Variants in PCNX2 observed in about 807,000 individuals in gnomAD.
The protein encoded by PCNX2 is pecanex 2, also known as pecanex-like protein 2.
Under a neutral mutation model 223.8 loss-of-function variants are expected in PCNX2, and 168 were observed. The ratio of observed to expected loss-of-function variants is 0.75; its 90% CI spans 0.66 to 0.85. The LOEUF is 0.85. Among genes scored for constraint, PCNX2 ranks in the 40% least tolerant of loss-of-function variants. The pLI is 0.00. For missense variants in PCNX2, 2,507 were observed against 2,675.5 expected (o/e 0.94, Z 1.39); for synonymous variants, 1,006 against 1,052.6 (o/e 0.96, Z 0.86).
chr1:233,162,858 T>C (rs1365625864), intron 17 of PCNX2, among the ~76,000 whole-genome samples: 1 of 152,202 alleles, frequency 6.6e-6, no homozygotes, highest in Non-Finnish European at 1.5e-5. Context: ...ATGTGTTATG[T>C]TTAACTGACT....
chr1:233,002,676 GAA>G (rs1456789684), intron 28 of PCNX2, among the ~76,000 whole-genome samples: 1 of 152,150 alleles, frequency 6.6e-6, no homozygotes. Flanking sequence ...TATGGAACCA[GAA>G]AAGAGACTGT....
intron 1 of PCNX2, among the ~76,000 whole-genome samples, chr1:233,270,130 C>T (rs1267399213): frequency 1.3e-5 from 2 of 152,068 alleles, no homozygotes; most frequent in Non-Finnish European, 2.9e-5. Context: ...TCAAGTATGA[C>T]TCTTGGGTCC....
At chr1:233,023,155 G>C (rs971159742) in intron 26 of PCNX2, among the ~76,000 whole-genome samples, 18 of 152,148 alleles carry the variant, frequency 1.2e-4, no homozygotes, top group Admixed American at 1.2e-3. Flanking sequence ...GGATCTAGCT[G>C]TTCCTGCAAC....
chr1:233,222,222 T>C (rs914470074), intron 10 of PCNX2, among the ~76,000 whole-genome samples: 3 of 152,056 alleles, frequency 2.0e-5, no homozygotes, highest in Non-Finnish European at 4.4e-5. Flanking sequence ...CCAGTATGGA[T>C]GGAGAAAAGT....
chr1:233,231,239 C>T (rs1306486786), intron 9 of PCNX2, among the ~76,000 whole-genome samples: 3 of 151,944 alleles, frequency 2.0e-5, no homozygotes, highest in Admixed American at 6.6e-5. Context: ...AGAAAGCTAC[C>T]TTCACAGCAA....
intron 26 of PCNX2, among the ~76,000 whole-genome samples, chr1:233,022,695 C>CTTTTT (rs372153367): frequency 2.6e-4 from 33 of 128,676 alleles, no homozygotes; most frequent in East Asian, 4.5e-4. Context: ...CTTTTTCTTT[C>CTTTTT]TTTTTTTTTT....
chr1:233,291,307 C>T (rs1342540626), intron 1 of PCNX2, among the ~76,000 whole-genome samples: 1 of 152,094 alleles, frequency 6.6e-6, no homozygotes, highest in Non-Finnish European at 1.5e-5. Flanking sequence ...TAAGGCCACA[C>T]AATTGATAAG....
intron 8 of PCNX2, among the ~76,000 whole-genome samples, chr1:233,248,309 T>C (rs745769439): frequency 6.6e-6 from 1 of 152,046 alleles, no homozygotes; most frequent in Non-Finnish European, 1.5e-5. Flanking sequence ...TCCAGCTGTG[T>C]GTGTGTACGT....
intron 9 of PCNX2, chr1:233,232,872 A>G (rs1658153386): frequency 4.2e-6 from 4 of 961,584 alleles, no homozygotes. Context: ...CCATAATGAT[A>G]ATAATAATAA....
intron 28 of PCNX2, among the ~76,000 whole-genome samples, chr1:233,007,898 C>T (rs181670057): frequency 6.6e-6 from 1 of 151,120 alleles, no homozygotes; most frequent in African/African-American, 2.4e-5. Context: ...AGGCTAGTCT[C>T]GAACTCCTGA....
intron 26 of PCNX2, among the ~76,000 whole-genome samples, chr1:233,022,719 A>T (rs1282720235): frequency 7.5e-6 from 1 of 133,550 alleles, no homozygotes. Flanking sequence ...TTTTTTTGAG[A>T]CAGAGTCTCG....
intron 21 of PCNX2, among the ~76,000 whole-genome samples, chr1:233,133,609 A>C (rs1676634496): frequency 6.6e-6 from 1 of 152,136 alleles, no homozygotes; most frequent in Non-Finnish European, 1.5e-5. Flanking sequence ...TAATCCCAAC[A>C]CTTTGGGAGG....
intron 9 of PCNX2, 59 bp downstream of exon 9, chr1:233,236,786 G>A: frequency 6.3e-7 from 1 of 1,586,328 alleles, no homozygotes; most frequent in Non-Finnish European, 8.6e-7. Flanking sequence ...CCTGGAAAAA[G>A]GTTTTAAGAT....
At chr1:233,098,338 G>A (rs1340161710) in intron 21 of PCNX2, among the ~76,000 whole-genome samples, 2 of 152,118 alleles carry the variant, frequency 1.3e-5, no homozygotes, top group African/African-American at 2.4e-5. Flanking sequence ...ACTTTGCTGC[G>A]TTATGATTAA....
chr1:232,996,974 ATGTACAAT>A (rs60044976), intron 32 of PCNX2, among the ~76,000 whole-genome samples: 31,249 of 152,072 alleles, frequency 0.21, 3,301 homozygotes, highest in Non-Finnish European at 0.23. Flanking sequence ...CTGGACATGA[ATGTACAAT>A]TGACTGTTTC....
At chr1:232,994,432 T>C (rs769466206) in intron 32 of PCNX2, among the ~76,000 whole-genome samples, 14 of 152,404 alleles carry the variant, frequency 9.2e-5, no homozygotes, top group South Asian at 4.1e-4. Context: ...CCAATGCTTG[T>C]TCCCCCATTG....
intron 23 of PCNX2, chr1:233,058,393 CAAT>C (rs1216539022): frequency 2.0e-5 from 3 of 152,204 alleles, no homozygotes; most frequent in Admixed American, 1.3e-4. Context: ...TTATTTCCAA[CAAT>C]GAGTGGCGGT....
chr1:233,310,457 T>C, the PCNX2 span, among the ~76,000 whole-genome samples: 5 of 152,230 alleles, frequency 3.3e-5, no homozygotes, highest in Non-Finnish European at 5.9e-5. Context: ...CAGAAACCAC[T>C]GTCCCCTTCT....
At position 232,990,553 on chromosome 1, in the gene PCNX2, C is replaced by T. The variant is rs1253542371; in HGVS notation, c.5792-4013G>A. Among the ~76,000 whole-genome samples the T allele has an allele frequency of 1.3e-5, 2 of 152,186 alleles. No individual in the cohort carries two copies. Among genetic ancestry groups the T allele is most frequent in the African/African-American group, 4.8e-5 (2 of 41,448 alleles). ...GAGACCCAAGGGCTTTGCACCCTCG[C>T]CCTCTAGGGAAGCTGTAGTGTAAGT... On this transcript the variant is annotated intron_variant, in intron 32 of 33. Coordinates refer to ENST00000258229, the MANE Select transcript of PCNX2 (RefSeq NM_014801.4). The surrounding 1 kb of genome is among the most constrained non-coding windows in gnomAD (Gnocchi z 4.3).
Sources: allele counts gnomAD v4.1 joint callset (sites outside exome capture counted in the v4.1 genomes callset), GRCh38; gene constraint gnomAD v4.1.1; non-coding constraint Gnocchi (gnomAD v3.1); transcripts MANE v1.5; gene names NCBI Gene and HGNC (gene_info 2026-07-23, HGNC 2026-07-21).